EVI5: variants seen among roughly 807,000 people sequenced by gnomAD.
EVI5 encodes ecotropic viral integration site 5 protein homolog.
EVI5 carries 73 observed loss-of-function variants against 112.0 expected under a neutral mutation model. That is an observed-to-expected ratio of 0.65 (90% CI 0.54 to 0.79). The LOEUF (loss-of-function observed/expected upper bound fraction) is 0.79. EVI5 is among the 30% of genes least tolerant of loss of function. EVI5 has a pLI of 0.00. For synonymous variants in EVI5, 305 were observed against 319.9 expected (o/e 0.95, Z 0.50); for missense variants, 900 against 968.8 (o/e 0.93, Z 0.94).
In EVI5 at chr1:92,562,972, T is replaced by C. The variant is rs540862223; in HGVS notation, c.2166+670A>G. Among the ~76,000 whole-genome samples the C allele has an allele frequency of 2.6e-5, 4 of 152,346 alleles. No individual in the cohort carries two copies. The East Asian group carries it at 7.7e-4, about 29-fold the overall frequency. Reference sequence around the variant, plus strand: ...CAAGAAAGATGGTATTCCATTAGTGTTTAGCCAAATATTATCATTAAAACA... The same window carrying C: ...CAAGAAAGATGGTATTCCATTAGTGCTTAGCCAAATATTATCATTAAAACA... On this transcript the variant is annotated intron_variant, in intron 19 of 19. Transcript: ENST00000684568.
intron 16 of EVI5, among the ~76,000 whole-genome samples, chr1:92,613,567 G>C (rs1052678889): frequency 6.6e-6 from 1 of 151,980 alleles, no homozygotes; most frequent in Non-Finnish European, 1.5e-5. Flanking sequence ...TGGGATTACA[G>C]GCGTGAGCCA....
At chr1:92,552,842 A>AT (rs558035045) in intron 19 of EVI5, among the ~76,000 whole-genome samples, 128 of 151,008 alleles carry the variant, frequency 8.5e-4, no homozygotes, top group Non-Finnish European at 1.6e-3. Context: ...TTTAATTGCG[A>AT]TTTTTTTCTT....
chr1:92,788,759 T>A (rs10747452), upstream of EVI5, among the ~76,000 whole-genome samples: 138,519 of 152,092 alleles, frequency 0.91, 63,149 homozygotes, highest in South Asian at 0.97. Flanking sequence ...GCGCCACTGC[T>A]CTCCAGCCTG....
rs914219549 is a variant in EVI5, at chr1:92,759,103, G to A, written c.-81-22476C>T. ...AACTTAGCCGGGTGTGGTGGCGCAC[G>A]TTCCAGATACTTAGGAGGCTGAGGA... On this transcript the variant is annotated intron_variant, in intron 1 of 19. Coordinates refer to ENST00000684568, the MANE Select transcript of EVI5 (RefSeq NM_001350197.2). 1.8e-4 allele frequency among the ~76,000 whole-genome samples: 28 copies of A among 152,004 alleles called. 1 individual carries two copies. The highest frequency in any genetic ancestry group is 4.8e-5 in the African/African-American group (2 of 41,394).
chr1:92,786,518 C>T (rs1003498656), upstream of EVI5, among the ~76,000 whole-genome samples: 1 of 152,104 alleles, frequency 6.6e-6, no homozygotes, highest in Non-Finnish European at 1.5e-5. Context: ...ATTGGTTTTT[C>T]CCTTACAAAT....
rs772578067 is a variant in EVI5 at position 92,736,430 on chromosome 1, T to C, written c.117A>G (p.Leu39=). 11 of 1,613,668 alleles carry C rather than the reference T, an allele frequency of 6.8e-6. No homozygotes were observed. Among genetic ancestry groups the C allele is most frequent in the Non-Finnish European group, 9.3e-6 (11 of 1,179,618 alleles). Residue 39 remains leucine, a synonymous_variant, in exon 2 of 20, where the codon TTA becomes TTG. Coordinates refer to ENST00000684568, the MANE Select transcript of EVI5 (RefSeq NM_001350197.2). ...SSPSQLSPDD[L]ELLAKLEEQN... ...GTTCTTCCAGTTTAGCCAGGAGTTC[T>C]AAGTCGTCTGGACTCAACTGTGATG...
chr1:92,608,738 A>G (rs982770456), intron 16 of EVI5, among the ~76,000 whole-genome samples: 2 of 150,784 alleles, frequency 1.3e-5, no homozygotes, highest in African/African-American at 4.9e-5. Context: ...AAAAGGTACC[A>G]TCACTATTTA....
intron 19 of EVI5, among the ~76,000 whole-genome samples, chr1:92,528,679 A>G (rs1662329035): frequency 6.6e-6 from 1 of 152,232 alleles, no homozygotes; most frequent in South Asian, 2.1e-4. Context: ...ATTGAGTGAA[A>G]GATCCAAAAC....
intron 1 of EVI5, among the ~76,000 whole-genome samples, chr1:92,748,492 C>T (rs1391145747): frequency 6.6e-6 from 1 of 152,206 alleles, no homozygotes; most frequent in Non-Finnish European, 1.5e-5. Flanking sequence ...AGAATCTAAG[C>T]ACATACTAAA....
At chr1:92,676,666 C>A (rs919410469) in intron 10 of EVI5, among the ~76,000 whole-genome samples, 1 of 152,076 alleles carries the variant, frequency 6.6e-6, no homozygotes. Flanking sequence ...AATTGAAAAT[C>A]TGCTTGATTT....
chr1:92,675,030 C>T (rs1666489178), intron 10 of EVI5, among the ~76,000 whole-genome samples: 1 of 152,154 alleles, frequency 6.6e-6, no homozygotes, highest in Admixed American at 6.5e-5. Context: ...TATATTTCCT[C>T]AAAAAACAAA....
chr1:92,650,936 T>C lies in EVI5; in HGVS notation c.1392+11783A>G, dbSNP rs965649757. 7.9e-5 allele frequency among the ~76,000 whole-genome samples: 12 copies of C among 152,312 alleles called. No homozygotes were observed. In the East Asian group the frequency reaches 1.3e-3, roughly 17 times the overall value. ...TCAAATAGTTTCCATCTTCATATCA[T>C]TGAGTCTCTGGTCAAATCTTAGCTC... On this transcript the variant is annotated intron_variant, in intron 13 of 19. Coordinates refer to ENST00000684568, the MANE Select transcript of EVI5 (RefSeq NM_001350197.2).
chr1:92,575,559 CTTTTTTTTTT>C (rs57088252), intron 18 of EVI5, among the ~76,000 whole-genome samples: 1 of 73,720 alleles, frequency 1.4e-5, no homozygotes, highest in Non-Finnish European at 2.4e-5. Flanking sequence ...GTCCCTGTGC[CTTTTTTTTTT>C]TTTTTTTTTT....
At chr1:92,552,446 A>G (rs567712102) in intron 19 of EVI5, among the ~76,000 whole-genome samples, 1 of 152,294 alleles carries the variant, frequency 6.6e-6, no homozygotes, top group East Asian at 1.9e-4. Context: ...TCTTTATCAA[A>G]TTAACTTTTC....
At chr1:92,609,395 T>TTGCTCAAGCTGGAG in intron 16 of EVI5, among the ~76,000 whole-genome samples, 1 of 151,216 alleles carries the variant, frequency 6.6e-6, no homozygotes, top group East Asian at 2.0e-4. Context: ...TCTCACTTTG[T>TTGCTCAAGCTGGAG]TGCTCAGGCT....
chr1:92,568,752 C>G (rs1208435099), intron 18 of EVI5, among the ~76,000 whole-genome samples: 1 of 152,222 alleles, frequency 6.6e-6, no homozygotes, highest in East Asian at 1.9e-4. Flanking sequence ...AGAATGAAGA[C>G]TGTCGCCATG....
At chr1:92,720,186 A>C (rs1467531607) in intron 2 of EVI5, among the ~76,000 whole-genome samples, 1 of 152,120 alleles carries the variant, frequency 6.6e-6, no homozygotes, top group Non-Finnish European at 1.5e-5. Flanking sequence ...TTTAAAGTTC[A>C]TATGGAACCA....
intron 2 of EVI5, among the ~76,000 whole-genome samples, chr1:92,717,371 G>A (rs1287196979): frequency 6.6e-6 from 1 of 152,212 alleles, no homozygotes; most frequent in Non-Finnish European, 1.5e-5. Flanking sequence ...CAAGCCAGAA[G>A]AGAGTAGGGG....
intron 18 of EVI5, among the ~76,000 whole-genome samples, chr1:92,592,533 T>A (rs890165698): frequency 2.6e-5 from 4 of 151,932 alleles, no homozygotes; most frequent in South Asian, 2.1e-4. Flanking sequence ...ACCAAACACA[T>A]TCAAAAACTA....
Sources: gnomAD v4.1 joint callset for allele counts (sites outside exome capture counted in the v4.1 genomes callset) on GRCh38, gnomAD v4.1.1 for gene constraint, MANE v1.5 for transcripts, NCBI Gene and HGNC (gene_info 2026-07-23, HGNC 2026-07-21) for gene names.